The following CAMTA1 variants were observed in gnomAD, a reference collection of about 807,000 sequenced individuals.
CAMTA1 encodes calmodulin binding transcription activator 1.
In CAMTA1, 27 loss-of-function variants were observed where a neutral mutation model predicts 170.9. The ratio of observed to expected loss-of-function variants is 0.16; its 90% CI spans 0.12 to 0.22. The LOEUF (loss-of-function observed/expected upper bound fraction) is 0.22. Ranked by LOEUF, CAMTA1 falls within the 10% of genes least tolerant of loss-of-function variation. The pLI is 1.00. For missense variants in CAMTA1, 1,619 were observed against 2,217.2 expected (o/e 0.73, Z 5.42); for synonymous variants, 833 against 891.5 (o/e 0.93, Z 1.17).
chr1:7,424,469 G>A (rs377344622), intron 5 of CAMTA1, among the ~76,000 whole-genome samples: 80 of 151,074 alleles, frequency 5.3e-4, no homozygotes, highest in Middle Eastern at 3.4e-3. Context: ...TGGGGGTGGG[G>A]GACAGCTAGG....
chr1:7,100,271 C>T (rs1056260564), intron 4 of CAMTA1, among the ~76,000 whole-genome samples: 2 of 152,204 alleles, frequency 1.3e-5, no homozygotes, highest in Non-Finnish European at 2.9e-5. Context: ...TATCCACACT[C>T]GTCTCTGTTC....
intron 3 of CAMTA1, among the ~76,000 whole-genome samples, chr1:6,936,374 A>G (rs1352999585): frequency 6.6e-6 from 1 of 152,126 alleles, no homozygotes; most frequent in African/African-American, 2.4e-5. Flanking sequence ...CTGGTTTAGC[A>G]GTTAGGATTC....
chr1:7,512,758 T>A (rs1309424196), intron 6 of CAMTA1, among the ~76,000 whole-genome samples: 2 of 152,054 alleles, frequency 1.3e-5, no homozygotes, highest in East Asian at 3.9e-4. Flanking sequence ...AAGTGCATCC[T>A]CCCAAAGCCA....
At chr1:6,790,811 G>A (rs1640878796) in intron 1 of CAMTA1, among the ~76,000 whole-genome samples, 1 of 151,962 alleles carries the variant, frequency 6.6e-6, no homozygotes, top group Non-Finnish European at 1.5e-5. Context: ...TTCTTTGTGG[G>A]TACAGGTTAG....
intron 6 of CAMTA1, among the ~76,000 whole-genome samples, chr1:7,507,221 CACTT>C (rs1356111180): frequency 6.6e-6 from 1 of 151,706 alleles, no homozygotes; most frequent in East Asian, 1.9e-4. Context: ...CACCGATACA[CACTT>C]GCTCACACAA....
At chr1:7,276,868 A>C (rs951233142) in intron 5 of CAMTA1, among the ~76,000 whole-genome samples, 1 of 152,262 alleles carries the variant, frequency 6.6e-6, no homozygotes, top group Non-Finnish European at 1.5e-5. Flanking sequence ...GAATTTAGGA[A>C]GGCCAAAGGA....
chr1:7,659,140 G>A (rs1482533623), intron 7 of CAMTA1, among the ~76,000 whole-genome samples: 5 of 152,160 alleles, frequency 3.3e-5, no homozygotes, highest in African/African-American at 4.8e-5. Context: ...GAAAGGGAGC[G>A]GACACCCGGG....
At chr1:7,571,690 A>G (rs538022794) in intron 6 of CAMTA1, among the ~76,000 whole-genome samples, 1 of 152,270 alleles carries the variant, frequency 6.6e-6, no homozygotes, top group East Asian at 1.9e-4. Context: ...ATGGCTGCAT[A>G]GTATTCCACG....
intron 6 of CAMTA1, among the ~76,000 whole-genome samples, chr1:7,525,551 G>C (rs1345859411): frequency 6.6e-6 from 1 of 152,142 alleles, no homozygotes; most frequent in Non-Finnish European, 1.5e-5. Flanking sequence ...TTGGAGAGTT[G>C]CCGAGTTGAT....
At chr1:7,553,279 G>C in intron 6 of CAMTA1, among the ~76,000 whole-genome samples, 1 of 152,048 alleles carries the variant, frequency 6.6e-6, no homozygotes, top group East Asian at 1.9e-4. Context: ...AATTGAGTGA[G>C]TGAATGAATG....
chr1:7,555,313 C>G (rs915236723), intron 6 of CAMTA1, among the ~76,000 whole-genome samples: 2 of 152,138 alleles, frequency 1.3e-5, no homozygotes, highest in African/African-American at 4.8e-5. Context: ...TTTGGGGGTG[C>G]ATGTGGGTAG....
At chr1:7,290,532 C>A (rs1398391494) in intron 5 of CAMTA1, among the ~76,000 whole-genome samples, 2 of 152,196 alleles carry the variant, frequency 1.3e-5, no homozygotes, top group Non-Finnish European at 2.9e-5. Context: ...CTCTGGGTCT[C>A]TGTTGGGCCA....
At chr1:6,879,719 C>T (rs1242652662) in intron 3 of CAMTA1, among the ~76,000 whole-genome samples, 3 of 151,332 alleles carry the variant, frequency 2.0e-5, no homozygotes. Flanking sequence ...ACCTTGAACT[C>T]CTAGGCCCAA....
intron 6 of CAMTA1, among the ~76,000 whole-genome samples, chr1:7,584,253 C>T (rs1406137237): frequency 1.3e-5 from 2 of 151,976 alleles, no homozygotes; most frequent in African/African-American, 2.4e-5. Flanking sequence ...TGAACTCTGA[C>T]TCCAGCAAGG....
Position 7,664,269 on chromosome 1 carries a change from C to G in CAMTA1, c.1722C>G (p.Gly574=). ...CCAGCCTCCTGCCGTCGGGCGGCGGCCTGAGTCCCAGCACCACCCTGGAGC... is the reference window on the plus strand; with the variant it reads ...CCAGCCTCCTGCCGTCGGGCGGCGGGCTGAGTCCCAGCACCACCCTGGAGC... The part of the protein sequence containing the change: ...AGSSLLPSGG[G]LSPSTTLEQM... The change falls in exon 9 of 23, where the codon GGC becomes GGG. Residue 574 remains glycine, a synonymous_variant. Transcript: ENST00000303635. 1 of 1,612,724 alleles carries G rather than the reference C, an allele frequency of 6.2e-7. No homozygotes were observed. The highest frequency in any genetic ancestry group is 1.3e-5 in the African/African-American group (1 of 75,058).
chr1:7,266,112 A>G (rs965474059), intron 5 of CAMTA1, among the ~76,000 whole-genome samples: 3 of 152,264 alleles, frequency 2.0e-5, no homozygotes, highest in Non-Finnish European at 4.4e-5. Context: ...GGTGAAGCCT[A>G]AATTTGCCTT....
At chr1:7,597,625 A>G (rs762585741) in intron 6 of CAMTA1, among the ~76,000 whole-genome samples, 3 of 152,144 alleles carry the variant, frequency 2.0e-5, no homozygotes, top group East Asian at 1.9e-4. Flanking sequence ...CAAATTCTAC[A>G]GAGTAGGTCA....
At chr1:7,129,677 G>C (rs548336111) in intron 4 of CAMTA1, among the ~76,000 whole-genome samples, 1 of 152,160 alleles carries the variant, frequency 6.6e-6, no homozygotes, top group African/African-American at 2.4e-5. Flanking sequence ...TGTATTTAGA[G>C]TGTACAATTT....
intron 3 of CAMTA1, among the ~76,000 whole-genome samples, chr1:7,055,559 A>G (rs1267204258): frequency 6.6e-6 from 1 of 152,256 alleles, no homozygotes; most frequent in East Asian, 1.9e-4. Context: ...TGATTTCATC[A>G]GCAAGCATTC....
Sources: gnomAD v4.1 joint callset for allele counts (sites outside exome capture counted in the v4.1 genomes callset) on GRCh38, gnomAD v4.1.1 for gene constraint, MANE v1.5 for transcripts, NCBI Gene and HGNC (gene_info 2026-07-23, HGNC 2026-07-21) for gene names.